The following IPO5 variants were observed in gnomAD, a reference collection of about 807,000 sequenced individuals.
IPO5 encodes the protein importin 5.
In IPO5, 18 loss-of-function variants were observed where a neutral mutation model predicts 143.3. That is an observed-to-expected ratio of 0.13 (90% CI 0.09 to 0.19). The LOEUF is 0.19. IPO5 is among the 10% of genes least tolerant of loss of function. IPO5 has a pLI of 1.00. For synonymous variants in IPO5, 477 were observed against 465.7 expected (o/e 1.02, Z -0.31); for missense variants, 1,013 against 1,336.9 (o/e 0.76, Z 3.78).
At chr13:97,954,606 C>T (rs1471329999) in intron 2 of IPO5, among the ~76,000 whole-genome samples, 1 of 152,076 alleles carries the variant, frequency 6.6e-6, no homozygotes, top group African/African-American at 2.4e-5. Flanking sequence ...TATGGGAAAA[C>T]AAAATCAATC....
At position 98,018,709 on chromosome 13, in the gene IPO5, G is replaced by A. The variant is rs561741340; in HGVS notation, c.2836+5G>A. ...ATTATCGCCCTTTTTGTACAGGTAC[G>A]TTTGCTTATTCCGTTACGTGCATTT... On this transcript the variant is annotated splice_donor_5th_base_variant and intron_variant, in intron 26 of 28. Coordinates refer to ENST00000651721, the MANE Select transcript of IPO5 (RefSeq NM_002271.6). 2.8e-5 allele frequency: 45 copies of A among 1,608,422 alleles called. No homozygotes were observed. Among genetic ancestry groups the A allele is most frequent in the East Asian group, 2.0e-4 (9 of 44,836 alleles).
chr13:98,019,458 C>G, intron 26 of IPO5, 123 bp from the exon 27 acceptor site: 1 of 716,650 alleles, frequency 1.4e-6, no homozygotes, highest in Non-Finnish European at 2.3e-6. Context: ...GAAGACAACA[C>G]TTCCCATACA....
At chr13:98,011,268 T>G (rs1015419285) in intron 20 of IPO5, among the ~76,000 whole-genome samples, 69 of 152,038 alleles carry the variant, frequency 4.5e-4, no homozygotes, top group Admixed American at 5.2e-4. Flanking sequence ...ATTGGGTTTT[T>G]GGGGTTTTTT....
In IPO5 at chr13:97,971,917, T is replaced by G. The variant is rs188434821; in HGVS notation, c.-5+2087T>G. ...ATACTATGTGAATTTACATATATTA[T>G]CCTAACTTTCAAAACACTCCTATGA... On this transcript the variant is annotated intron_variant, in intron 3 of 28. Coordinates refer to ENST00000651721, the MANE Select transcript of IPO5 (RefSeq NM_002271.6). 3.7e-4 allele frequency among the ~76,000 whole-genome samples: 56 copies of G among 152,336 alleles called. 1 individual carries two copies. The highest frequency in any genetic ancestry group is 7.8e-4 in the Non-Finnish European group (53 of 68,030).
chr13:97,953,743 A>T (rs1437206224), intron 1 of IPO5, 27 bp downstream of exon 1: 2 of 318,510 alleles, frequency 6.3e-6, no homozygotes, highest in Non-Finnish European at 1.3e-5. Flanking sequence ...CCTCACATTC[A>T]GATGAAACCA....
At chr13:97,954,017 G>A (rs556794983) in intron 1 of IPO5, 102 bp from the exon 2 acceptor site, 3 of 402,164 alleles carry the variant, frequency 7.5e-6, no homozygotes, top group South Asian at 3.7e-5. Context: ...TCCTTAAGGA[G>A]GCATCACTTG....
chr13:98,018,165 A>AT (rs1222062021), intron 25 of IPO5, among the ~76,000 whole-genome samples: 1 of 152,020 alleles, frequency 6.6e-6, no homozygotes, highest in Non-Finnish European at 1.5e-5. Context: ...TTATTATTGT[A>AT]TTTTTTTAAT....
At chr13:97,973,033 ATCT>A (rs1467292074) in intron 3 of IPO5, among the ~76,000 whole-genome samples, 14 of 116,878 alleles carry the variant, frequency 1.2e-4, no homozygotes, top group African/African-American at 4.2e-4. Context: ...ATTTTCTTTT[ATCT>A]TCTTTTTTTT....
chr13:97,993,188 T>G lies in IPO5; in HGVS notation c.876T>G (p.Ala292=), dbSNP rs1484683075. 1.2e-6 allele frequency: 2 copies of G among 1,613,892 alleles called. No individual in the cohort carries two copies. The highest frequency in any genetic ancestry group is 3.3e-5 in the Admixed American group (2 of 60,026). ...VIVTLSETAA[A]MLRKHTNIVA... ...TCACCCTCTCTGAGACTGCAGCTGC[T>G]ATGTTAAGAAAACATACCAATATTG... Residue 292 remains alanine, a synonymous_variant, in exon 11 of 29, where the codon GCT becomes GCG. Transcript: ENST00000651721.
At chr13:98,017,858 G>C (rs1371869548) in intron 25 of IPO5, among the ~76,000 whole-genome samples, 4 of 151,758 alleles carry the variant, frequency 2.6e-5, no homozygotes, top group Non-Finnish European at 5.9e-5. Context: ...TAGTAGAGAT[G>C]GGGTTTCACC....
At chr13:98,008,032 AGTG>A (rs1176238522) in intron 17 of IPO5, 24 bp from the exon 18 acceptor site, 2 of 1,470,974 alleles carry the variant, frequency 1.4e-6, no homozygotes, top group South Asian at 2.3e-5. Flanking sequence ...GGTATCAACA[AGTG>A]TGTCTCTACA....
chr13:98,019,931 G>A, intron 27 of IPO5, 122 bp downstream of exon 27: 1 of 623,938 alleles, frequency 1.6e-6, no homozygotes, highest in Non-Finnish European at 2.8e-6. Context: ...AGTTGTATAG[G>A]TTTATAATAG....
chr13:97,984,207 T>C, intron 5 of IPO5, among the ~76,000 whole-genome samples: 1 of 151,676 alleles, frequency 6.6e-6, no homozygotes. Flanking sequence ...CTCGATCTCC[T>C]GACCTCGTGA....
intron 11 of IPO5, among the ~76,000 whole-genome samples, chr13:97,997,122 G>A (rs1199583093): frequency 6.6e-6 from 1 of 152,104 alleles, no homozygotes; most frequent in African/African-American, 2.4e-5. Flanking sequence ...GCAAATTGCC[G>A]AGGTACATAT....
intron 2 of IPO5, among the ~76,000 whole-genome samples, chr13:97,959,098 G>A (rs965538637): frequency 6.6e-6 from 1 of 151,846 alleles, no homozygotes; most frequent in Non-Finnish European, 1.5e-5. Flanking sequence ...CTTGAACCTA[G>A]GAGGCAGAGG....
rs779037111 is a variant in IPO5, at chr13:98,017,260, A to AT, written c.2616+419dup. Among the ~76,000 whole-genome samples the AT allele has an allele frequency of 3.6e-3, 535 of 147,906 alleles. 5 individuals carry two copies. The highest frequency in any genetic ancestry group is 0.018 in the Admixed American group (264 of 14,728). ...AATGGGCATATATATATATATATGT[A>AT]TTTTTTTTTTACCTTCTCTCACCCT... On this transcript the variant is annotated intron_variant, in intron 25 of 28. Coordinates refer to ENST00000651721, the MANE Select transcript of IPO5 (RefSeq NM_002271.6).
intron 12 of IPO5, among the ~76,000 whole-genome samples, chr13:98,000,107 AC>A (rs1888637000): frequency 6.6e-6 from 1 of 151,840 alleles, no homozygotes; most frequent in African/African-American, 2.4e-5. Context: ...ACATGGTGAA[AC>A]CCCGTCTCTA....
At position 97,969,175 on chromosome 13, in the gene IPO5, A is replaced by ATATATATATTT. The variant is rs1234384302; in HGVS notation, c.-112-547_-112-546insATATATATTTT. Among the ~76,000 whole-genome samples, 70 of 43,912 alleles carry ATATATATATTT rather than the reference A, an allele frequency of 1.6e-3. 2 individuals are homozygous for ATATATATATTT. The highest frequency in any genetic ancestry group is 2.3e-3 in the Non-Finnish European group (58 of 25,116). 28.8% of individuals were successfully genotyped at this position (43,912 alleles called of 152,430 possible). A position where few individuals can be genotyped will look rare whatever the true frequency, so the allele number is the denominator to read the frequency against. On this transcript the variant is annotated intron_variant, in intron 2 of 28. Coordinates refer to ENST00000651721, the MANE Select transcript of IPO5 (RefSeq NM_002271.6). Reference sequence around the variant, plus strand: ...TAAGTATATATATATATATATATATATTTTTTTTTTTTTTTTTTTTTTTTG... The same window carrying ATATATATATTT: ...TAAGTATATATATATATATATATATATATATATATTTTTTTTTTTTTTTTTTTTTTTTTTTG...
chr13:97,957,429 C>CGACCTCAGGT (rs1884540326), intron 2 of IPO5, among the ~76,000 whole-genome samples: 1 of 151,952 alleles, frequency 6.6e-6, no homozygotes, highest in South Asian at 2.1e-4. Flanking sequence ...TCTCGAACTC[C>CGACCTCAGGT]GACCTCAGGT....
Sources: allele counts gnomAD v4.1 joint callset (sites outside exome capture counted in the v4.1 genomes callset), GRCh38; gene constraint gnomAD v4.1.1; transcripts MANE v1.5; gene names NCBI Gene and HGNC (gene_info 2026-07-23, HGNC 2026-07-21).